The following YTHDC2 variants were observed in gnomAD, a reference collection of about 807,000 sequenced individuals.
YTHDC2 encodes the protein YTH N6-methyladenosine RNA binding protein C2.
A neutral mutation model predicts 174.9 loss-of-function variants in YTHDC2; 45 were observed. The observed-to-expected ratio is 0.26, with a 90% CI of 0.20 to 0.33. YTHDC2 has a LOEUF of 0.33. Among genes scored for constraint, YTHDC2 ranks in the 10% least tolerant of loss-of-function variants. The pLI, the probability that YTHDC2 is intolerant of heterozygous loss-of-function variation, is 1.00. For synonymous variants in YTHDC2, 657 were observed against 574.5 expected (o/e 1.14, Z -2.05); for missense variants, 1,650 against 1,723.7 (o/e 0.96, Z 0.76).
At chr5:113,526,490 A>T in intron 3 of YTHDC2, 96 bp from the exon 4 acceptor site, 1 of 896,636 alleles carries the variant, frequency 1.1e-6, no homozygotes, top group Non-Finnish European at 1.6e-6. Flanking sequence ...GTCTTTTGGC[A>T]TGTTTTTCTA....
At chr5:113,520,511 T>A (rs1005274491) in intron 2 of YTHDC2, among the ~76,000 whole-genome samples, 22 of 152,102 alleles carry the variant, frequency 1.4e-4, no homozygotes, top group African/African-American at 5.1e-4. Context: ...TTTTTTTTTT[T>A]TCTTTAAATG....
chr5:113,563,952 T>A lies in YTHDC2; in HGVS notation c.2536T>A (p.Leu846Met). 6.2e-7 allele frequency: 1 copy of A among 1,614,180 alleles called. No homozygotes were observed. The highest frequency in any genetic ancestry group is 8.5e-7 in the Non-Finnish European group (1 of 1,180,024). ...AGAACCACATCTTGGTAAAATGGTC[T>A]TGTGTGCTGTTGTTTTAAAGTGTCT... ...PVEPHLGKMV[L>M]CAVVLKCLDP... is the part of the protein sequence containing the mutation. Residue 846 changes from leucine (L) to methionine (M), a missense_variant, in exon 20 of 30, where the codon TTG (leucine) becomes ATG (methionine). Leu to Met is a conservative substitution (Grantham distance 15). This residue lies in a region of YTHDC2 where 913 missense variants were observed against 940.4 expected (regional missense o/e 0.97). Transcript: ENST00000161863.
intron 23 of YTHDC2, among the ~76,000 whole-genome samples, chr5:113,576,034 C>T (rs534935481): frequency 6.2e-4 from 94 of 152,110 alleles, no homozygotes; most frequent in Non-Finnish European, 1.0e-3. Context: ...AGGAGCAAGT[C>T]GTGTAGGGGA....
intron 27 of YTHDC2, among the ~76,000 whole-genome samples, chr5:113,591,471 T>C (rs943686736): frequency 6.6e-6 from 1 of 152,148 alleles, no homozygotes. Flanking sequence ...TGTTTCCTTC[T>C]GAAGACAACT....
intron 27 of YTHDC2, among the ~76,000 whole-genome samples, chr5:113,591,502 G>A (rs1222777115): frequency 6.6e-6 from 1 of 152,098 alleles, no homozygotes; most frequent in Non-Finnish European, 1.5e-5. Context: ...TAATTCTCAA[G>A]TGGATTCAAA....
rs1165371148 is a variant in YTHDC2 at position 113,567,658 on chromosome 5, C to T, written c.3053C>T (p.Pro1018Leu). The part of the protein sequence containing the change: ...VLSQPQYKKI[P>L]PANGQAAAIK... Reference sequence around the variant, plus strand: ...TAAAATTTATTTTCTTAATAGATTCCTCCAGCCAATGGTCAAGCTGCAGCA... The same window carrying T: ...TAAAATTTATTTTCTTAATAGATTCTTCCAGCCAATGGTCAAGCTGCAGCA... The change falls in exon 23 of 30, where the codon CCT (proline) becomes CTT (leucine). Residue 1018 changes from proline to leucine, a missense_variant. By Grantham distance (98) the Pro-to-Leu change is moderately conservative. Around this residue, in one of 5 missense-constraint regions of YTHDC2, gnomAD observed 913 missense variants for 940.4 expected, o/e 0.97. Transcript: ENST00000161863. 10 of 1,591,304 alleles carry T rather than the reference C, an allele frequency of 6.3e-6. No individual in the cohort carries two copies. The highest frequency in any genetic ancestry group is 8.5e-6 in the Non-Finnish European group (10 of 1,172,362).
chr5:113,542,779 T>C (rs923457924), intron 10 of YTHDC2, among the ~76,000 whole-genome samples: 9 of 152,224 alleles, frequency 5.9e-5, no homozygotes, highest in Non-Finnish European at 1.0e-4. Context: ...AATGCTGTTA[T>C]GTGTATGTGT....
intron 16 of YTHDC2, among the ~76,000 whole-genome samples, chr5:113,555,011 A>T (rs952300155): frequency 5.9e-5 from 9 of 152,020 alleles, no homozygotes; most frequent in African/African-American, 2.2e-4. Context: ...ATTTTATTAT[A>T]AAAATTGGCC....
intron 17 of YTHDC2, 196 bp downstream of exon 17, chr5:113,556,330 C>G (rs543053097): frequency 7.8e-6 from 3 of 384,578 alleles, no homozygotes; most frequent in Non-Finnish European, 1.4e-5. Flanking sequence ...AAATTAAAAA[C>G]TTTTGCCTAG....
At position 113,526,804 on chromosome 5, in the gene YTHDC2, GT is replaced by G; in HGVS notation, c.675+22del. 2.4e-6 allele frequency: 2 copies of G among 827,286 alleles called. No individual in the cohort carries two copies. The highest frequency in any genetic ancestry group is 4.0e-5 in the South Asian group (1 of 25,150). The allele number at this position is 827,286 out of a possible 1,614,324, so 51.2% of individuals were successfully genotyped here. A position where few individuals can be genotyped will look rare whatever the true frequency, so the allele number is the denominator to read the frequency against. Reference sequence around the variant, plus strand: ...CACACAGGTTTGTTTCTTTTTTGTTGTTTATAGAAAAAAAAAAAAAAAATAT... The same window carrying G: ...CACACAGGTTTGTTTCTTTTTTGTTGTTATAGAAAAAAAAAAAAAAAATAT... On this transcript the variant is annotated intron_variant, in intron 4 of 29. Coordinates refer to ENST00000161863, the MANE Select transcript of YTHDC2 (RefSeq NM_022828.5).
At chr5:113,586,561 G>A (rs983674106) in intron 26 of YTHDC2, among the ~76,000 whole-genome samples, 24 of 151,290 alleles carry the variant, frequency 1.6e-4, no homozygotes, top group Admixed American at 5.3e-4. Context: ...GTATTTTTTT[G>A]TGTACTAAGA....
intron 16 of YTHDC2, 30 bp from the exon 17 acceptor site, chr5:113,556,022 T>G (rs1776581894): frequency 1.4e-6 from 2 of 1,384,348 alleles, no homozygotes; most frequent in Non-Finnish European, 2.0e-6. Flanking sequence ...CCTTTTATAT[T>G]CTAACATAAA....
chr5:113,566,059 G>C (rs1390855113), intron 21 of YTHDC2, 40 bp downstream of exon 21: 13 of 1,552,056 alleles, frequency 8.4e-6, no homozygotes, highest in Non-Finnish European at 1.1e-5. Flanking sequence ...AAGTTACTGA[G>C]AGTACCCTGC....
intron 25 of YTHDC2, chr5:113,583,190 T>C (rs1778495865): frequency 6.6e-6 from 1 of 152,310 alleles, no homozygotes; most frequent in Admixed American, 6.5e-5. Context: ...GATAATTTTA[T>C]TGGGATTGGT....
At position 113,514,231 on chromosome 5, in the gene YTHDC2, AC is replaced by A. The variant is rs748364183; in HGVS notation, c.187+152del. Reference sequence around the variant, plus strand: ...GTCCGGGGCGGGCCTCAGCGGCGGCACCCGGGTCTGGAACGCGGCTGTTGGC... The same window carrying A: ...GTCCGGGGCGGGCCTCAGCGGCGGCACCGGGTCTGGAACGCGGCTGTTGGC... On this transcript the variant is annotated intron_variant, in intron 1 of 29. Coordinates refer to ENST00000161863, the MANE Select transcript of YTHDC2 (RefSeq NM_022828.5). The A allele has an allele frequency of 1.5e-5, 15 of 1,013,406 alleles. No homozygotes were observed. In the South Asian group the frequency reaches 2.1e-4, roughly 14 times the overall value. 62.8% of individuals were successfully genotyped at this position (1,013,406 alleles called of 1,614,324 possible).
At chr5:113,514,126 C>A in intron 1 of YTHDC2, 44 bp downstream of exon 1, 5 of 1,581,532 alleles carry the variant, frequency 3.2e-6, no homozygotes, top group Middle Eastern at 1.7e-4. Flanking sequence ...AGGATACCCC[C>A]CTCACCCCAG....
intron 1 of YTHDC2, among the ~76,000 whole-genome samples, chr5:113,514,707 G>C (rs1773282314): frequency 6.6e-6 from 1 of 152,056 alleles, no homozygotes; most frequent in African/African-American, 2.4e-5. Flanking sequence ...GAATCTTATA[G>C]TCCAAAACGG....
chr5:113,534,728 G>A (rs74548518), intron 6 of YTHDC2, among the ~76,000 whole-genome samples: 4,985 of 152,076 alleles, frequency 0.033, 266 homozygotes, highest in African/African-American at 0.11. Context: ...TCAAAAAAAA[G>A]GGAGATTTCT....
intron 18 of YTHDC2, 45 bp downstream of exon 18, chr5:113,561,230 AAGTG>A: frequency 6.7e-7 from 1 of 1,483,306 alleles, no homozygotes. Context: ...TGGGTGAGGG[AAGTG>A]AGGGGCCATT....
Sources: allele counts gnomAD v4.1 joint callset (sites outside exome capture counted in the v4.1 genomes callset), GRCh38; gene constraint gnomAD v4.1.1; regional missense constraint gnomAD v4.1.1; transcripts MANE v1.5; gene names NCBI Gene and HGNC (gene_info 2026-07-23, HGNC 2026-07-21).